ARPC1A: variants seen among roughly 807,000 people sequenced by gnomAD.
ARPC1A encodes actin-related protein 2/3 complex subunit 1A.
A neutral mutation model predicts 46.9 loss-of-function variants in ARPC1A; 8 were observed. The ratio of observed to expected loss-of-function variants is 0.17; its 90% CI spans 0.10 to 0.31. The LOEUF (loss-of-function observed/expected upper bound fraction) is 0.31. Ranked by LOEUF, ARPC1A falls within the 10% of genes least tolerant of loss-of-function variation. The pLI is 1.00. For synonymous variants in ARPC1A, 152 were observed against 169.0 expected (o/e 0.90, Z 0.78); for missense variants, 286 against 483.6 (o/e 0.59, Z 3.83).
chr7:99,365,542 A>G (rs1332952840), intron 9 of ARPC1A, among the ~76,000 whole-genome samples: 1 of 151,562 alleles, frequency 6.6e-6, no homozygotes, highest in African/African-American at 2.4e-5. Context: ...TGAGCCCAGG[A>G]GTTGGAGGCT....
chr7:99,338,378 A>ATTTTTTTTTTTTTTTTTTTTTTTTTTTT (rs754747240), intron 3 of ARPC1A, 93 bp downstream of exon 3: 2 of 231,226 alleles, frequency 8.6e-6, no homozygotes, highest in African/African-American at 4.8e-5. Context: ...GGTGGCCATA[A>ATTTTTTTTTTTTTTTTTTTTTTTTTTTT]TTTTTTTTTT....
Position 99,334,975 on chromosome 7 carries a change from C to T in ARPC1A, c.64+1558C>T, listed in dbSNP as rs1329784195. 4.6e-5 allele frequency among the ~76,000 whole-genome samples: 7 copies of T among 152,218 alleles called. No individual in the cohort carries two copies. In the East Asian group the frequency reaches 1.3e-3, roughly 29 times the overall value. On this transcript the variant is annotated intron_variant, in intron 2 of 9. Coordinates refer to ENST00000262942, the MANE Select transcript of ARPC1A (RefSeq NM_006409.4). ...TCTCCTGCCTCAGCCTCCTGAGTAG[C>T]TGGGACTACAGGCACCAGCCACCAT...
At chr7:99,326,105 C>G (rs146662458) in intron 1 of ARPC1A, 101 bp downstream of exon 1, 1 of 152,214 alleles carries the variant, frequency 6.6e-6, no homozygotes, top group African/African-American at 2.4e-5. Context: ...GCTCAGGCCG[C>G]GGGGCCCCGA....
chr7:99,331,838 G>A (rs2150858069), intron 1 of ARPC1A, among the ~76,000 whole-genome samples: 1 of 152,334 alleles, frequency 6.6e-6, no homozygotes, highest in African/African-American at 2.4e-5. Flanking sequence ...AGGATCACCT[G>A]AGTCCAGGAA....
At chr7:99,327,627 G>A (rs897764057) in intron 1 of ARPC1A, among the ~76,000 whole-genome samples, 5 of 151,816 alleles carry the variant, frequency 3.3e-5, no homozygotes, top group Non-Finnish European at 7.4e-5. Context: ...CAGCTTATAT[G>A]GCTATTTTCT....
At chr7:99,333,196 G>C (rs1584374566) in intron 1 of ARPC1A, 129 bp from the exon 2 acceptor site, 3 of 680,950 alleles carry the variant, frequency 4.4e-6, no homozygotes, top group African/African-American at 1.8e-5. Flanking sequence ...TGCCTGGCCA[G>C]ATTATTTTTT....
At chr7:99,337,212 G>A (rs912271749) in intron 2 of ARPC1A, among the ~76,000 whole-genome samples, 1 of 152,028 alleles carries the variant, frequency 6.6e-6, no homozygotes, top group South Asian at 2.1e-4. Context: ...ACCTGAGGTC[G>A]GGAGTTTGAA....
At chr7:99,351,814 A>G (rs1010197719) in intron 5 of ARPC1A, among the ~76,000 whole-genome samples, 1 of 152,164 alleles carries the variant, frequency 6.6e-6, no homozygotes, top group Non-Finnish European at 1.5e-5. Context: ...ACAAAGTAGA[A>G]ATCACATTGG....
In ARPC1A at chr7:99,334,026, CACACATAT is replaced by C. The variant is rs1169157383; in HGVS notation, c.64+611_64+618del. ...GTGTACACACACACACACACACACA[CACACATAT>C]ATATGTATTTTTTTTTTTTGAGACA... On this transcript the variant is annotated intron_variant, in intron 2 of 9. Transcript: ENST00000262942. 5.5e-3 allele frequency among the ~76,000 whole-genome samples: 772 copies of C among 139,742 alleles called. 11 individuals carry two copies. Among genetic ancestry groups the C allele is most frequent in the African/African-American group, 0.021 (697 of 33,206 alleles). The allele number at this position is 139,742 out of a possible 152,430, so 91.7% of individuals were successfully genotyped here. A position where few individuals can be genotyped will look rare whatever the true frequency, so the allele number is the denominator to read the frequency against.
intron 5 of ARPC1A, among the ~76,000 whole-genome samples, chr7:99,351,171 C>T (rs979608848): frequency 4.6e-5 from 7 of 152,000 alleles, no homozygotes; most frequent in African/African-American, 1.4e-4. Flanking sequence ...TGGCACTAAC[C>T]CACACCACCT....
intron 8 of ARPC1A, among the ~76,000 whole-genome samples, chr7:99,360,457 C>T (rs977075834): frequency 2.0e-5 from 3 of 151,820 alleles, no homozygotes; most frequent in African/African-American, 7.3e-5. Flanking sequence ...TCCCAAGAAG[C>T]TGGGATTACA....
rs1189883373 is a variant in ARPC1A, at chr7:99,366,223, A to C, written c.*294A>C. On this transcript the variant is annotated 3_prime_UTR_variant, in exon 10 of 10. Coordinates refer to ENST00000262942, the MANE Select transcript of ARPC1A (RefSeq NM_006409.4). ...AAAGACAGGGTGAGGGAGATATGTA[A>C]ATTGTCCACTAGAAAATTAAATAAA... 3.1e-6 allele frequency: 1 copy of C among 324,462 alleles called. No individual in the cohort carries two copies. The highest frequency in any genetic ancestry group is 5.7e-6 in the Non-Finnish European group (1 of 176,784). 20.1% of individuals were successfully genotyped at this position (324,462 alleles called of 1,614,324 possible).
intron 5 of ARPC1A, among the ~76,000 whole-genome samples, chr7:99,350,631 CTTT>C (rs540737612): frequency 0.01 from 678 of 67,080 alleles, 3 homozygotes; most frequent in African/African-American, 0.023. Context: ...ATGAGGTGCA[CTTT>C]TTTTTTTTTT....
chr7:99,340,144 CTG>C (rs1473910211), intron 3 of ARPC1A: 2 of 395,510 alleles, frequency 5.1e-6, no homozygotes, highest in African/African-American at 5.6e-5. Context: ...TGTCTTTTTT[CTG>C]TTTTTGTTTG....
intron 5 of ARPC1A, 31 bp downstream of exon 5, chr7:99,348,990 G>A: frequency 1.3e-6 from 2 of 1,559,512 alleles, no homozygotes; most frequent in South Asian, 1.1e-5. Flanking sequence ...ATAAACTTGA[G>A]CCGTGCATTC....
In ARPC1A at chr7:99,363,653, A is replaced by G; in HGVS notation, c.1074+20A>G. 6.4e-7 allele frequency: 1 copy of G among 1,570,418 alleles called. No individual in the cohort carries two copies. The highest frequency in any genetic ancestry group is 8.6e-7 in the Non-Finnish European group (1 of 1,161,538). ...TTCAAGGTATTTTCTACCTAACAGA[A>G]CAAATTTTGTTTGTGTTAAAACTTT... On this transcript the variant is annotated intron_variant, in intron 9 of 9. Transcript: ENST00000262942.
chr7:99,327,090 A>G (rs1016223101), intron 1 of ARPC1A, among the ~76,000 whole-genome samples: 16 of 152,048 alleles, frequency 1.1e-4, no homozygotes, highest in African/African-American at 3.6e-4. Flanking sequence ...GTGGTTTCAC[A>G]TAGGGCCTGG....
Position 99,366,261 on chromosome 7 carries a change from G to T in ARPC1A, c.*332G>T. On this transcript the variant is annotated 3_prime_UTR_variant, in exon 10 of 10. Transcript: ENST00000262942. The stretch of plus-strand genomic sequence containing the variant: ...AAAATTAAATAAAAGAACTGAATGT[G>T]GTTTTGGTTTTGTTTCCTTGTAGTA... The T allele has an allele frequency of 3.9e-6, 1 of 256,322 alleles. No individual in the cohort carries two copies. 15.9% of individuals were successfully genotyped at this position (256,322 alleles called of 1,614,324 possible).
intron 7 of ARPC1A, among the ~76,000 whole-genome samples, chr7:99,358,992 G>A (rs187995407): frequency 9.3e-5 from 14 of 151,008 alleles, no homozygotes; most frequent in Admixed American, 7.2e-4. Context: ...CCACCTCGCC[G>A]GGCTAATTTT....
Sources: gnomAD v4.1 joint callset for allele counts (sites outside exome capture counted in the v4.1 genomes callset) on GRCh38, gnomAD v4.1.1 for gene constraint, MANE v1.5 for transcripts, NCBI Gene and HGNC (gene_info 2026-07-23, HGNC 2026-07-21) for gene names.